The following TGFBR2 variants were observed in gnomAD, a reference collection of about 807,000 sequenced individuals.
TGFBR2 encodes the protein TGF-beta receptor type-2.
Under a neutral mutation model 49.0 loss-of-function variants are expected in TGFBR2, and 18 were observed. That is an observed-to-expected ratio of 0.37 (90% CI 0.25 to 0.54). The LOEUF is 0.54. Ranked by LOEUF, TGFBR2 falls within the 20% of genes least tolerant of loss-of-function variation. The pLI, the probability that TGFBR2 is intolerant of heterozygous loss-of-function variation, is 0.85. For missense variants in TGFBR2, 525 were observed against 722.6 expected (o/e 0.73, Z 3.13); for synonymous variants, 282 against 275.9 (o/e 1.02, Z -0.22).
chr3:30,620,064 G>A (rs1698200436), intron 1 of TGFBR2, among the ~76,000 whole-genome samples: 1 of 152,164 alleles, frequency 6.6e-6, no homozygotes, highest in Admixed American at 6.5e-5. Context: ...GCGGGTGCCT[G>A]TAGTCCCAGC....
intron 6 of TGFBR2, among the ~76,000 whole-genome samples, chr3:30,688,839 T>C (rs1699666456): frequency 6.6e-6 from 1 of 152,228 alleles, no homozygotes; most frequent in Non-Finnish European, 1.5e-5. Flanking sequence ...GGAGTTTATA[T>C]TTGATTCCCT....
rs143548688 is a variant in TGFBR2, at chr3:30,658,048, G to T, written c.454+7588G>T. The stretch of plus-strand genomic sequence containing the variant: ...TAGTAAATATTTTCAGCTTTGCAGG[G>T]CAGAGTCTCTGTCACAGCTACTCAA... On this transcript the variant is annotated intron_variant, in intron 3 of 6. Coordinates refer to ENST00000295754, the MANE Select transcript of TGFBR2 (RefSeq NM_003242.6). Among the ~76,000 whole-genome samples, 788 of 152,292 alleles carry T rather than the reference G, an allele frequency of 5.2e-3. 10 individuals are homozygous for T. The highest frequency in any genetic ancestry group is 0.018 in the African/African-American group (764 of 41,556).
chr3:30,672,559 C>T lies in TGFBR2; in HGVS notation c.1254+122C>T. The T allele has an allele frequency of 8.9e-7, 1 of 1,121,448 alleles. No homozygotes were observed. Among genetic ancestry groups the T allele is most frequent in the Non-Finnish European group, 1.3e-6 (1 of 741,760 alleles). 69.5% of individuals were successfully genotyped at this position (1,121,448 alleles called of 1,614,324 possible). The stretch of plus-strand genomic sequence containing the variant: ...TACTCTGGACACTGGTCTAGGGAAT[C>T]TAGCCAAAGTATGGAGTCTGCCTTG... On this transcript the variant is annotated intron_variant, in intron 4 of 6. Transcript: ENST00000295754. The surrounding 1 kb of genome is among the most constrained non-coding windows in gnomAD (Gnocchi z 4.5).
At chr3:30,650,202 A>G in intron 2 of TGFBR2, 68 bp from the exon 3 acceptor site, 3 of 1,497,830 alleles carry the variant, frequency 2.0e-6, no homozygotes, top group Non-Finnish European at 2.8e-6. Context: ...TCTGGAGGCC[A>G]TATTATTCAT....
chr3:30,672,548 G>A lies in TGFBR2; in HGVS notation c.1254+111G>A. 1 of 1,245,024 alleles carries A rather than the reference G, an allele frequency of 8.0e-7. No homozygotes were observed. The highest frequency in any genetic ancestry group is 1.2e-5 in the South Asian group (1 of 82,720). The allele number at this position is 1,245,024 out of a possible 1,614,324, so 77.1% of individuals were successfully genotyped here. ...AAACAGCCCTGTACTCTGGACACTG[G>A]TCTAGGGAATCTAGCCAAAGTATGG... On this transcript the variant is annotated intron_variant, in intron 4 of 6. Transcript: ENST00000295754. The surrounding 1 kb of genome is among the most constrained non-coding windows in gnomAD (Gnocchi z 4.5).
intron 1 of TGFBR2, among the ~76,000 whole-genome samples, chr3:30,618,311 C>T (rs1435049664): frequency 6.7e-6 from 1 of 149,824 alleles, no homozygotes; most frequent in Admixed American, 6.7e-5. Context: ...CTCGCTGCAA[C>T]CTCTGCCTCC....
chr3:30,630,881 A>C (rs1053738198), intron 1 of TGFBR2, among the ~76,000 whole-genome samples: 3 of 152,120 alleles, frequency 2.0e-5, no homozygotes, highest in African/African-American at 7.2e-5. Flanking sequence ...GAGACATCAG[A>C]ACTGCCAGTG....
In TGFBR2 at chr3:30,688,747, C is replaced by T. The variant is rs2276768; in HGVS notation, c.1524+236C>T. 0.19 allele frequency among the ~76,000 whole-genome samples: 28,252 copies of T among 152,146 alleles called. 3,473 individuals are homozygous for T. Among genetic ancestry groups the T allele is most frequent in the East Asian group, 0.38 (1,983 of 5,172 alleles). Reference sequence around the variant, plus strand: ...CAAATAGCCATTCGGAGGACATTTGCCACATTTTCCAAGCCCCCTTGGTCC... The same window carrying T: ...CAAATAGCCATTCGGAGGACATTTGTCACATTTTCCAAGCCCCCTTGGTCC... On this transcript the variant is annotated intron_variant, in intron 6 of 6. Coordinates refer to ENST00000295754, the MANE Select transcript of TGFBR2 (RefSeq NM_003242.6).
At chr3:30,615,926 A>G (rs1698124394) in intron 1 of TGFBR2, among the ~76,000 whole-genome samples, 1 of 151,924 alleles carries the variant, frequency 6.6e-6, no homozygotes, top group Admixed American at 6.6e-5. Context: ...TAATTTTTGT[A>G]GAGATGGTGT....
rs182088928 is a variant in TGFBR2, at chr3:30,609,178, T to C, written c.94+2201T>C. On this transcript the variant is annotated intron_variant, in intron 1 of 6. Transcript: ENST00000295754. ...GTTTCAAAATGGTTGAATTAATGAA[T>C]CATTTTGAATTTGTATTCATTTGAT... Among the ~76,000 whole-genome samples the C allele has an allele frequency of 3.5e-3, 527 of 152,342 alleles. 2 individuals are homozygous for C. The highest frequency in any genetic ancestry group is 5.8e-3 in the Non-Finnish European group (395 of 68,030).
At chr3:30,664,538 G>A (rs1699210700) in intron 3 of TGFBR2, among the ~76,000 whole-genome samples, 2 of 151,910 alleles carry the variant, frequency 1.3e-5, no homozygotes, top group African/African-American at 2.4e-5. Flanking sequence ...ATAAATGTTA[G>A]TATGCCATAA....
chr3:30,607,594 C>A (rs1416785708), intron 1 of TGFBR2, among the ~76,000 whole-genome samples: 1 of 151,932 alleles, frequency 6.6e-6, no homozygotes, highest in Non-Finnish European at 1.5e-5. Context: ...TGGAGATGCT[C>A]AGGTGAAACC....
At chr3:30,655,700 C>A (rs1010134779) in intron 3 of TGFBR2, among the ~76,000 whole-genome samples, 1 of 152,166 alleles carries the variant, frequency 6.6e-6, no homozygotes, top group Non-Finnish European at 1.5e-5. Context: ...ATGACTGCGC[C>A]ATTATTGGCC....
At chr3:30,668,967 G>A (rs12634160) in intron 3 of TGFBR2, among the ~76,000 whole-genome samples, 1 of 151,782 alleles carries the variant, frequency 6.6e-6, no homozygotes, top group Non-Finnish European at 1.5e-5. Flanking sequence ...ATTTCTCACT[G>A]TTTCGTTAGA....
intron 5 of TGFBR2, 26 bp downstream of exon 5, chr3:30,674,272 T>C (rs1559467909): frequency 6.2e-7 from 1 of 1,613,782 alleles, no homozygotes; most frequent in Non-Finnish European, 8.5e-7. Flanking sequence ...CATCATTGTG[T>C]AGTGGTAAAC....
At chr3:30,668,176 A>T (rs1478734010) in intron 3 of TGFBR2, among the ~76,000 whole-genome samples, 1 of 152,212 alleles carries the variant, frequency 6.6e-6, no homozygotes, top group Non-Finnish European at 1.5e-5. Flanking sequence ...CCACGTAAGT[A>T]ATCATTCAGC....
intron 3 of TGFBR2, among the ~76,000 whole-genome samples, chr3:30,668,565 A>T (rs1214642091): frequency 6.6e-6 from 1 of 151,580 alleles, no homozygotes; most frequent in Non-Finnish European, 1.5e-5. Context: ...CAGTCCATAC[A>T]TCTCCACAAG....
At position 30,671,822 on chromosome 3, in the gene TGFBR2, C is replaced by T. The variant is rs200332401; in HGVS notation, c.639C>T (p.Ser213=). 9.9e-5 allele frequency: 160 copies of T among 1,614,070 alleles called. No homozygotes were observed. The highest frequency in any genetic ancestry group is 1.3e-4 in the Non-Finnish European group (148 of 1,180,042). ...AGACGCGGAAGCTCATGGAGTTCAG[C>T]GAGCACTGTGCCATCATCCTGGAAG... ...TGKTRKLMEF[S]EHCAIILEDD... The change falls in exon 4 of 7, where the codon AGC becomes AGT. Residue 213 remains serine (S), a synonymous_variant. Coordinates refer to ENST00000295754, the MANE Select transcript of TGFBR2 (RefSeq NM_003242.6).
chr3:30,638,156 T>A (rs1034519915), intron 1 of TGFBR2, among the ~76,000 whole-genome samples: 4 of 152,254 alleles, frequency 2.6e-5, no homozygotes, highest in African/African-American at 9.6e-5. Flanking sequence ...AGCGTTTTTT[T>A]AACACAATAT....
Sources: gnomAD v4.1 joint callset for allele counts (sites outside exome capture counted in the v4.1 genomes callset) on GRCh38, gnomAD v4.1.1 for gene constraint, Gnocchi (gnomAD v3.1) non-coding constraint, MANE v1.5 for transcripts, NCBI Gene and HGNC (gene_info 2026-07-23, HGNC 2026-07-21) for gene names.